Variants in LAMTOR4 observed in about 807,000 individuals in gnomAD.
The protein encoded by LAMTOR4 is ragulator complex protein LAMTOR4.
LAMTOR4 carries 11 observed loss-of-function variants against 13.5 expected under a neutral mutation model. The observed-to-expected ratio is 0.82, with a 90% confidence interval of 0.51 to 1.35. LAMTOR4 has a LOEUF of 1.35. Ranked by LOEUF, LAMTOR4 falls within the 40% of genes most tolerant of loss-of-function variation. The probability of loss-of-function intolerance (pLI) is 0.00; values close to 1 mark genes in which losing one functional copy is unlikely to be tolerated. For missense variants in LAMTOR4, 128 were observed against 126.2 expected (o/e 1.01, Z -0.07); for synonymous variants, 69 against 52.3 (o/e 1.32, Z -1.38).
At chr7:100,151,581 G>C (rs1024594520) in intron 2 of LAMTOR4, among the ~76,000 whole-genome samples, 2 of 151,062 alleles carry the variant, frequency 1.3e-5, no homozygotes, top group African/African-American at 2.4e-5. Flanking sequence ...GTAGAGATGG[G>C]GTTTCACCAT....
In LAMTOR4 at chr7:100,149,498, G is replaced by T. The variant is rs1346761719; in HGVS notation, c.4-1G>T. The T allele has an allele frequency of 6.2e-7, 1 of 1,610,602 alleles. No individual in the cohort carries two copies. The highest frequency in any genetic ancestry group is 8.5e-7 in the Non-Finnish European group (1 of 1,177,016). ...TCACGACTTGCATCTTTACCCACTA[G>T]ACTTCTGCGCTGACCCAGGGGCTGG... is the stretch of plus-strand genomic sequence containing the variant. On this transcript the variant is annotated splice_acceptor_variant, in intron 1 of 3. Coordinates refer to ENST00000341942, the MANE Select transcript of LAMTOR4 (RefSeq NM_001008395.4). LOFTEE classifies it high-confidence loss of function.
chr7:100,151,162 TCTTCCGG>T (rs1033324221), intron 2 of LAMTOR4, among the ~76,000 whole-genome samples: 4 of 148,238 alleles, frequency 2.7e-5, no homozygotes, highest in Non-Finnish European at 6.0e-5. Context: ...GCAACCTCCG[TCTTCCGG>T]GTTCAAGTGA....
chr7:100,152,419 A>G (rs1185674933), intron 2 of LAMTOR4, among the ~76,000 whole-genome samples: 1 of 151,642 alleles, frequency 6.6e-6, no homozygotes, highest in Non-Finnish European at 1.5e-5. Flanking sequence ...AAACAAACAA[A>G]CAGGAAATCA....
intron 1 of LAMTOR4, 43 bp downstream of exon 1, chr7:100,149,018 G>A: frequency 6.2e-7 from 1 of 1,600,292 alleles, no homozygotes; most frequent in African/African-American, 1.3e-5. Flanking sequence ...CGGGGGTTCA[G>A]CGTCTCTGCT....
At chr7:100,149,665 A>T in intron 2 of LAMTOR4, 86 bp downstream of exon 2, 1 of 1,047,358 alleles carries the variant, frequency 9.5e-7, no homozygotes, top group South Asian at 1.3e-5. Context: ...CTCGGCTTTT[A>T]TCTGGTTTCC....
rs997643891 is a variant in LAMTOR4, at chr7:100,149,047, C to T, written c.3+72C>T. The T allele has an allele frequency of 1.0e-4, 159 of 1,560,400 alleles. 1 individual carries two copies. The Admixed American group carries it at 2.7e-3, about 27-fold the overall frequency. ...CTCTGCTCCCCAGTCTGTGTGGTTTCCCCCTGGTGGGCCTGCGCTCCACCC... is the reference window on the plus strand; with the variant it reads ...CTCTGCTCCCCAGTCTGTGTGGTTTTCCCCTGGTGGGCCTGCGCTCCACCC... On this transcript the variant is annotated intron_variant, in intron 1 of 3. Transcript: ENST00000341942.
chr7:100,152,538 T>C (rs1286291679), intron 2 of LAMTOR4: 1 of 152,190 alleles, frequency 6.6e-6, no homozygotes, highest in African/African-American at 2.4e-5. Context: ...ATATTGCTAG[T>C]TCAGCAAAAG....
rs1798801892 is a variant in LAMTOR4, at chr7:100,153,908, C to CA, written c.245dup (p.Arg83GlufsTer16). 3.8e-6 allele frequency: 6 copies of CA among 1,595,016 alleles called. No individual in the cohort carries two copies. The highest frequency in any genetic ancestry group is 5.1e-6 in the Non-Finnish European group (6 of 1,171,418). On this transcript the variant is annotated frameshift_variant, in exon 4 of 4. Transcript: ENST00000341942. LOFTEE classifies it high-confidence loss of function. ...CACACTGCTGGTGACGGTGTCAGGACAGAGGGTGTTTGTGGTGAAGAGGCA... is the reference window on the plus strand; with the variant it reads ...CACACTGCTGGTGACGGTGTCAGGACAAGAGGGTGTTTGTGGTGAAGAGGCA...
intron 2 of LAMTOR4, chr7:100,152,723 A>G (rs1798742212): frequency 6.6e-6 from 1 of 152,388 alleles, no homozygotes; most frequent in African/African-American, 2.4e-5. Flanking sequence ...CAGGGCAGCA[A>G]GTGTGAAGAC....
rs952735808 is a variant in LAMTOR4, at chr7:100,154,099, G to A, written c.*135G>A. The stretch of plus-strand genomic sequence containing the variant: ...GCCCACCTCCCACCCCTACCTGGAC[G>A]GGCCCAGGCTTGGGGACTCTGAGCT... On this transcript the variant is annotated 3_prime_UTR_variant, in exon 4 of 4. Transcript: ENST00000341942. 2.9e-6 allele frequency: 2 copies of A among 694,364 alleles called. No homozygotes were observed. The highest frequency in any genetic ancestry group is 3.4e-5 in the South Asian group (2 of 59,330). 43.0% of individuals were successfully genotyped at this position (694,364 alleles called of 1,614,324 possible).
At chr7:100,152,708 G>C (rs1237812796) in intron 2 of LAMTOR4, 1 of 152,276 alleles carries the variant, frequency 6.6e-6, no homozygotes, top group Non-Finnish European at 1.5e-5. Flanking sequence ...TTGAGATTCT[G>C]CAAACAGGGC....
At chr7:100,151,542 C>T (rs1370684061) in intron 2 of LAMTOR4, among the ~76,000 whole-genome samples, 2 of 151,872 alleles carry the variant, frequency 1.3e-5, no homozygotes, top group African/African-American at 2.4e-5. Context: ...GCGCCCGCCA[C>T]CATGCCCGGC....
rs1456771285 is a variant in LAMTOR4, at chr7:100,149,247, A to G, written c.4-252A>G. On this transcript the variant is annotated intron_variant, in intron 1 of 3. Transcript: ENST00000341942. Reference sequence around the variant, plus strand: ...GGGGCAGGGGCCAGTGGGGCAGCAAAGGCCCCTTGGGGTAGCAAAGGTGGG... The same window carrying G: ...GGGGCAGGGGCCAGTGGGGCAGCAAGGGCCCCTTGGGGTAGCAAAGGTGGG... The G allele has an allele frequency of 1.3e-5, 8 of 600,052 alleles. No homozygotes were observed. The East Asian group carries it at 2.3e-4, about 17-fold the overall frequency. The allele number at this position is 600,052 out of a possible 1,614,324, so 37.2% of individuals were successfully genotyped here. A position where few individuals can be genotyped will look rare whatever the true frequency, so the allele number is the denominator to read the frequency against.
At chr7:100,151,728 C>T (rs1798709977) in intron 2 of LAMTOR4, among the ~76,000 whole-genome samples, 1 of 151,510 alleles carries the variant, frequency 6.6e-6, no homozygotes, top group African/African-American at 2.4e-5. Context: ...GATAGAGTCT[C>T]GCCGTCACTC....
intron 1 of LAMTOR4, chr7:100,149,210 A>G: frequency 1.6e-6 from 1 of 615,194 alleles, no homozygotes; most frequent in Non-Finnish European, 2.8e-6. Context: ...AGGGAGGTGA[A>G]GAGAGGGTCT....
At chr7:100,151,691 T>C (rs1194557453) in intron 2 of LAMTOR4, among the ~76,000 whole-genome samples, 1 of 151,364 alleles carries the variant, frequency 6.6e-6, no homozygotes, top group Admixed American at 6.6e-5. Flanking sequence ...CCCCGTCCTG[T>C]TTTTTTGTTT....
chr7:100,154,055 G>A lies in LAMTOR4; in HGVS notation c.*91G>A, dbSNP rs1059875. 1 of 975,740 alleles carries A rather than the reference G, an allele frequency of 1.0e-6. No individual in the cohort carries two copies. Among genetic ancestry groups the A allele is most frequent in the Non-Finnish European group, 1.6e-6 (1 of 626,798 alleles). 60.4% of individuals were successfully genotyped at this position (975,740 alleles called of 1,614,324 possible). On this transcript the variant is annotated 3_prime_UTR_variant, in exon 4 of 4. Transcript: ENST00000341942. ...ACCTGTCGGTCTTGGCTTGCTGCTA[G>A]AACTAGGGCCTTCTGCTCGCCCACC...
Position 100,153,536 on chromosome 7 carries a change from C to G in LAMTOR4, c.202+19C>G. 6.3e-7 allele frequency: 1 copy of G among 1,594,398 alleles called. No homozygotes were observed. The highest frequency in any genetic ancestry group is 1.7e-4 in the Middle Eastern group (1 of 6,052). ...CTGTCTGGTGAGCCCCTGCCCCTGC[C>G]CTTGGTGGTGGTACTGGGAGCGGGG... is the stretch of plus-strand genomic sequence containing the variant. On this transcript the variant is annotated intron_variant, in intron 3 of 3. Transcript: ENST00000341942.
At position 100,154,092 on chromosome 7, in the gene LAMTOR4, C is replaced by G. The variant is rs1027691033; in HGVS notation, c.*128C>G. On this transcript the variant is annotated 3_prime_UTR_variant, in exon 4 of 4. Transcript: ENST00000341942. ...TCTGCTCGCCCACCTCCCACCCCTA[C>G]CTGGACGGGCCCAGGCTTGGGGACT... 4 of 709,150 alleles carry G rather than the reference C, an allele frequency of 5.6e-6. No homozygotes were observed. The highest frequency in any genetic ancestry group is 1.7e-5 in the African/African-American group (1 of 57,306). 43.9% of individuals were successfully genotyped at this position (709,150 alleles called of 1,614,324 possible).
Sources: allele counts gnomAD v4.1 joint callset (sites outside exome capture counted in the v4.1 genomes callset), GRCh38; gene constraint gnomAD v4.1.1; transcripts MANE v1.5; gene names NCBI Gene and HGNC (gene_info 2026-07-23, HGNC 2026-07-21).